The following CREB5 variants were observed in gnomAD, a reference collection of about 807,000 sequenced individuals.
CREB5 encodes the protein cAMP responsive element binding protein 5, also known as cyclic AMP-responsive element-binding protein 5.
In CREB5, 19 loss-of-function variants were observed where a neutral mutation model predicts 57.1. That is an observed-to-expected ratio of 0.33 (90% CI 0.23 to 0.49). CREB5 has a LOEUF of 0.49. CREB5 is among the 20% of genes least tolerant of loss of function. CREB5 has a pLI of 0.99. For synonymous variants in CREB5, 238 were observed against 238.3 expected, an observed-to-expected ratio of 1.00 and a Z score of 0.01; for missense variants, 579 against 671.6, an observed-to-expected ratio of 0.86 and a Z score of 1.52.
intron 5 of CREB5, among the ~76,000 whole-genome samples, chr7:28,583,840 G>A (rs536859837): frequency 6.6e-5 from 10 of 152,062 alleles, no homozygotes; most frequent in South Asian, 4.2e-4. Context: ...CCCCACGCCC[G>A]GCTAATTTTG....
In CREB5 at chr7:28,466,897, A is replaced by T. The variant is rs570029893; in HGVS notation, c.4-21278A>T. Among the ~76,000 whole-genome samples, 7 of 152,340 alleles carry T rather than the reference A, an allele frequency of 4.6e-5. No individual in the cohort carries two copies. In the East Asian group the frequency reaches 1.3e-3, roughly 29 times the overall value. On this transcript the variant is annotated intron_variant, in intron 1 of 10. Coordinates refer to ENST00000357727, the MANE Select transcript of CREB5 (RefSeq NM_182898.4). Reference sequence around the variant, plus strand: ...TAGACCACTGTGAGTTAAGGTCCCCATAGAAACAGATGGCACACTTGAAGG... The same window carrying T: ...TAGACCACTGTGAGTTAAGGTCCCCTTAGAAACAGATGGCACACTTGAAGG...
intron 7 of CREB5, among the ~76,000 whole-genome samples, chr7:28,776,230 C>G (rs558688923): frequency 1.3e-5 from 2 of 151,018 alleles, no homozygotes; most frequent in South Asian, 4.2e-4. Flanking sequence ...CCCAGCTACT[C>G]GGGAGGCTGA....
intron 1 of CREB5, among the ~76,000 whole-genome samples, chr7:28,380,513 T>A (rs1786946444): frequency 6.6e-6 from 1 of 152,064 alleles, no homozygotes; most frequent in Non-Finnish European, 1.5e-5. Flanking sequence ...AAAACACAAG[T>A]TTTACAGCCA....
At position 28,560,961 on chromosome 7, in the gene CREB5, CGTGTGTGTGTGCGTGT is replaced by C. The variant is rs1795215874; in HGVS notation, c.292-9400_292-9385del. On this transcript the variant is annotated intron_variant, in intron 4 of 10. Transcript: ENST00000357727. ...GCGTGCGTGTGTGTGCGTGTGTGTG[CGTGTGTGTGTGCGTGT>C]GTGCGTGCGTGTGTGTGCCTGCGTG... is the stretch of plus-strand genomic sequence containing the variant. 1.0e-3 allele frequency among the ~76,000 whole-genome samples: 24 copies of C among 23,936 alleles called. 2 individuals carry two copies. Among genetic ancestry groups the C allele is most frequent in the African/African-American group, 3.1e-3 (24 of 7,776 alleles). 15.7% of individuals were successfully genotyped at this position (23,936 alleles called of 152,430 possible). A position where few individuals can be genotyped will look rare whatever the true frequency, so the allele number is the denominator to read the frequency against.
chr7:28,466,407 G>C (rs887302057), intron 1 of CREB5, among the ~76,000 whole-genome samples: 7 of 152,154 alleles, frequency 4.6e-5, no homozygotes, highest in African/African-American at 1.7e-4. Flanking sequence ...TGTAGGCGTT[G>C]CAGTTGGCAG....
At chr7:28,560,533 C>G (rs1023453006) in intron 4 of CREB5, among the ~76,000 whole-genome samples, 5 of 151,982 alleles carry the variant, frequency 3.3e-5, no homozygotes, top group Non-Finnish European at 5.9e-5. Flanking sequence ...GGATTGGAAG[C>G]CAGGAACCAG....
chr7:28,723,386 G>A (rs1803153742), intron 6 of CREB5, among the ~76,000 whole-genome samples: 1 of 152,198 alleles, frequency 6.6e-6, no homozygotes, highest in Non-Finnish European at 1.5e-5. Flanking sequence ...AGATTAAAAT[G>A]CCAGAACTCG....
intron 1 of CREB5, among the ~76,000 whole-genome samples, chr7:28,395,676 G>A (rs563125224): frequency 1.2e-4 from 19 of 152,180 alleles, no homozygotes; most frequent in Non-Finnish European, 2.4e-4. Flanking sequence ...ACAGGCCTCT[G>A]CTTTAATAAA....
chr7:28,335,098 A>G (rs1343791883), intron 1 of CREB5, among the ~76,000 whole-genome samples: 1 of 152,186 alleles, frequency 6.6e-6, no homozygotes, highest in South Asian at 2.1e-4. Context: ...TGGTTACTAT[A>G]GCTCTAAAGT....
At chr7:28,343,321 G>A (rs1008953733) in intron 1 of CREB5, among the ~76,000 whole-genome samples, 27 of 152,092 alleles carry the variant, frequency 1.8e-4, no homozygotes, top group African/African-American at 5.1e-4. Context: ...CTGTCTAACC[G>A]TAACTTTGTA....
chr7:28,759,332 C>T (rs1267805482), intron 7 of CREB5, among the ~76,000 whole-genome samples: 1 of 151,888 alleles, frequency 6.6e-6, no homozygotes, highest in Non-Finnish European at 1.5e-5. Context: ...ATAAATTTAC[C>T]CAATTTTGAT....
At chr7:28,708,551 T>C (rs1003003403) in intron 5 of CREB5, among the ~76,000 whole-genome samples, 1 of 152,204 alleles carries the variant, frequency 6.6e-6, no homozygotes, top group African/African-American at 2.4e-5. Flanking sequence ...CGAAGAGCCT[T>C]GCAGGAGGCA....
intron 5 of CREB5, among the ~76,000 whole-genome samples, chr7:28,670,029 C>T (rs567445069): frequency 1.2e-4 from 18 of 152,290 alleles, no homozygotes; most frequent in African/African-American, 4.1e-4. Context: ...GAAAGTAAAA[C>T]GTTTTTGAGA....
intron 5 of CREB5, among the ~76,000 whole-genome samples, chr7:28,598,059 G>T (rs958238923): frequency 6.6e-6 from 1 of 152,126 alleles, no homozygotes; most frequent in Non-Finnish European, 1.5e-5. Context: ...GATATGGTTT[G>T]GCTGTGTCCC....
chr7:28,366,643 G>A (rs574357767), intron 1 of CREB5, among the ~76,000 whole-genome samples: 3 of 152,268 alleles, frequency 2.0e-5, no homozygotes, highest in Admixed American at 2.0e-4. Flanking sequence ...GTTTTCTAAT[G>A]ATCTAGCTCT....
chr7:28,779,997 G>A (rs954939221), intron 7 of CREB5, among the ~76,000 whole-genome samples: 1 of 152,088 alleles, frequency 6.6e-6, no homozygotes, highest in African/African-American at 2.4e-5. Flanking sequence ...TCAAACTCCT[G>A]AGCTCAAGCG....
intron 1 of CREB5, among the ~76,000 whole-genome samples, chr7:28,325,810 T>C (rs1371172973): frequency 2.0e-5 from 3 of 152,224 alleles, no homozygotes; most frequent in Admixed American, 1.3e-4. Context: ...TATGTAGCAA[T>C]GAATTCCTGT....
chr7:28,560,897 C>CGTGTGT (rs1334757992), intron 4 of CREB5, among the ~76,000 whole-genome samples: 1,665 of 22,436 alleles, frequency 0.074, 237 homozygotes, highest in East Asian at 0.53. Flanking sequence ...CGTGTGTGTG[C>CGTGTGT]GTGCGCGCGT....
intron 1 of CREB5, among the ~76,000 whole-genome samples, chr7:28,344,722 TA>T (rs199959880): frequency 6.8e-4 from 100 of 146,334 alleles, no homozygotes; most frequent in Middle Eastern, 3.5e-3. Flanking sequence ...TAAGTGGATT[TA>T]AAAAAAAAAA....
Sources: allele counts gnomAD v4.1 joint callset (sites outside exome capture counted in the v4.1 genomes callset), GRCh38; gene constraint gnomAD v4.1.1; transcripts MANE v1.5; gene names NCBI Gene and HGNC (gene_info 2026-07-23, HGNC 2026-07-21).